The following NRK variants were observed in gnomAD, a reference collection of about 807,000 sequenced individuals.
NRK encodes nik-related protein kinase.
NRK carries 67 observed loss-of-function variants against 125.2 expected under a neutral mutation model. That is an observed-to-expected ratio of 0.54 (90% CI 0.44 to 0.66). The LOEUF is 0.66. Among genes scored for constraint, NRK ranks in the 30% least tolerant of loss-of-function variants. NRK has a pLI of 0.00. For missense variants in NRK, 1,224 were observed against 1,192.9 expected, an observed-to-expected ratio of 1.03 and a Z score of -0.38; for synonymous variants, 458 against 429.0, an observed-to-expected ratio of 1.07 and a Z score of -0.84.
In NRK at chrX:105,948,806, A is replaced by T. The variant is rs753756040; in HGVS notation, c.4354-769A>T. 4 of 425,779 alleles carry T rather than the reference A, an allele frequency of 9.4e-6. No homozygotes were observed. In the South Asian group the frequency reaches 1.3e-4, roughly 14 times the overall value. The allele number at this position is 425,779 out of a possible 1,213,427, so 35.1% of individuals were successfully genotyped here. A position where few individuals can be genotyped will look rare whatever the true frequency, so the allele number is the denominator to read the frequency against. On this transcript the variant is annotated intron_variant, in intron 26 of 28. Transcript: ENST00000243300. Reference sequence around the variant, plus strand: ...TTTTTTTTTTTAATGTGCTAGTTTGAAGAAACCATAGAGGAACACAATTTT... The same window carrying T: ...TTTTTTTTTTTAATGTGCTAGTTTGTAGAAACCATAGAGGAACACAATTTT...
chrX:105,872,556 CACT>C (rs1035020732), intron 2 of NRK, among the ~76,000 whole-genome samples: 11 of 110,972 alleles, frequency 9.9e-5, no homozygotes, highest in African/African-American at 3.6e-4. Flanking sequence ...ATCCTCCCAC[CACT>C]ACTACCAATC....
chrX:105,934,488 C>T, intron 20 of NRK, 44 bp downstream of exon 20: 1 of 835,209 alleles, frequency 1.2e-6, no homozygotes. Flanking sequence ...TATCTGTTCA[C>T]TTATTAAATA....
intron 4 of NRK, 112 bp downstream of exon 4, chrX:105,881,891 G>A (rs2039888782): frequency 2.3e-6 from 1 of 437,251 alleles, no homozygotes; most frequent in African/African-American, 2.5e-5. Context: ...TACTAAAAGT[G>A]TTCTTGCCTG....
intron 1 of NRK, among the ~76,000 whole-genome samples, chrX:105,830,703 A>G (rs1281676899): frequency 1.8e-5 from 2 of 110,524 alleles, no homozygotes; most frequent in African/African-American, 6.6e-5. Flanking sequence ...GAAGCTGGAC[A>G]CCATCATTCT....
At chrX:105,904,612 A>G (rs2040198064) in intron 9 of NRK, among the ~76,000 whole-genome samples, 1 of 112,034 alleles carries the variant, frequency 8.9e-6, no homozygotes, top group South Asian at 3.7e-4. Flanking sequence ...TAATCCTCAC[A>G]ACAATTCTTT....
chrX:105,857,954 G>T, intron 2 of NRK, among the ~76,000 whole-genome samples: 1 of 110,088 alleles, frequency 9.1e-6, no homozygotes, highest in South Asian at 3.9e-4. Context: ...TGCATCCCTG[G>T]ATTGCCCAGG....
chrX:105,875,580 TGTGGA>T (rs1447280472), intron 2 of NRK, among the ~76,000 whole-genome samples: 1 of 111,122 alleles, frequency 9.0e-6, no homozygotes, highest in African/African-American at 3.3e-5. Context: ...TGTTGTAGGT[TGTGGA>T]GTACCCGGAA....
chrX:105,957,978 C>T lies in NRK; in HGVS notation c.*2378C>T, dbSNP rs747352919. The T allele has an allele frequency of 2.7e-5, 3 of 112,143 alleles. No homozygotes were observed. The highest frequency in any genetic ancestry group is 3.7e-4 in the South Asian group (1 of 2,694). 9.2% of individuals were successfully genotyped at this position (112,143 alleles called of 1,213,427 possible). A position where few individuals can be genotyped will look rare whatever the true frequency, so the allele number is the denominator to read the frequency against. ...GCAGCAGTACCTGGAAGCCCCAGCC[C>T]GTCACAGAAGTGTGGAGGGGGGCTC... On this transcript the variant is annotated 3_prime_UTR_variant, in exon 29 of 29. Coordinates refer to ENST00000243300, the MANE Select transcript of NRK (RefSeq NM_198465.4).
chrX:105,939,242 G>A (rs2040705325), intron 22 of NRK, among the ~76,000 whole-genome samples: 1 of 111,657 alleles, frequency 9.0e-6, no homozygotes, highest in South Asian at 3.8e-4. Flanking sequence ...AAAGAAAAAT[G>A]ATTATAAAGT....
chrX:105,866,217 T>G (rs2039668881), intron 2 of NRK, among the ~76,000 whole-genome samples: 1 of 110,965 alleles, frequency 9.0e-6, no homozygotes, highest in Non-Finnish European at 1.9e-5. Flanking sequence ...ACCCTAAAAC[T>G]AAGTGAAGCT....
At chrX:105,835,378 C>T (rs2039249327) in intron 2 of NRK, among the ~76,000 whole-genome samples, 1 of 110,998 alleles carries the variant, frequency 9.0e-6, no homozygotes, top group Admixed American at 9.7e-5. Context: ...CAAAGAGGTT[C>T]TTGCTCCATG....
chrX:105,902,243 C>T (rs965850802), intron 9 of NRK, among the ~76,000 whole-genome samples: 10 of 110,891 alleles, frequency 9.0e-5, no homozygotes, highest in Non-Finnish European at 1.1e-4. Flanking sequence ...TAAGTGAAGG[C>T]CAGGAGATTT....
In NRK at chrX:105,853,661, G is replaced by A. The variant is rs1465830592; in HGVS notation, c.123+22542G>A. On this transcript the variant is annotated intron_variant, in intron 2 of 28. Transcript: ENST00000243300. ...AAAGGGCAAAATTTCCCCATGTCAGGCATATAAGTTTATATAGATTATCCT... is the reference window on the plus strand; with the variant it reads ...AAAGGGCAAAATTTCCCCATGTCAGACATATAAGTTTATATAGATTATCCT... Among the ~76,000 whole-genome samples, 3 of 112,158 alleles carry A rather than the reference G, an allele frequency of 2.7e-5. No individual in the cohort carries two copies. The Admixed American group carries it at 2.8e-4, about 11-fold the overall frequency.
intron 8 of NRK, among the ~76,000 whole-genome samples, chrX:105,899,089 C>A (rs1032072546): frequency 7.2e-5 from 8 of 111,662 alleles, no homozygotes; most frequent in African/African-American, 2.6e-4. Flanking sequence ...CAATTATTAA[C>A]CCCCACAGTA....
At chrX:105,904,796 C>G (rs1290603707) in intron 9 of NRK, among the ~76,000 whole-genome samples, 1 of 110,675 alleles carries the variant, frequency 9.0e-6, no homozygotes, top group Non-Finnish European at 1.9e-5. Context: ...TTCTAGAACT[C>G]TCAGCTTCCA....
At chrX:105,831,252 A>G in intron 2 of NRK, 133 bp downstream of exon 2, 1 of 451,672 alleles carries the variant, frequency 2.2e-6, no homozygotes, top group Non-Finnish European at 3.8e-6. Context: ...TAGATAGCCC[A>G]GTGACACCTG....
intron 6 of NRK, among the ~76,000 whole-genome samples, chrX:105,894,692 A>G (rs1214272135): frequency 8.9e-6 from 1 of 111,997 alleles, no homozygotes. Flanking sequence ...TTCCTCATCT[A>G]TATTATAAGG....
chrX:105,951,010 CT>C (rs1182571625), intron 27 of NRK, among the ~76,000 whole-genome samples: 175 of 100,704 alleles, frequency 1.7e-3, no homozygotes, highest in Middle Eastern at 0.01. Flanking sequence ...AATCCTTCTT[CT>C]TTTTTTTTTT....
At chrX:105,892,192 C>A (rs1026643619) in intron 5 of NRK, among the ~76,000 whole-genome samples, 2 of 111,923 alleles carry the variant, frequency 1.8e-5, no homozygotes, top group Admixed American at 9.5e-5. Flanking sequence ...CAAATAATCA[C>A]ACACATAAAT....
Sources: allele counts gnomAD v4.1 joint callset (sites outside exome capture counted in the v4.1 genomes callset), GRCh38; gene constraint gnomAD v4.1.1; transcripts MANE v1.5; gene names NCBI Gene and HGNC (gene_info 2026-07-23, HGNC 2026-07-21).